Variants in AIFM1 observed in about 807,000 individuals in gnomAD.
AIFM1 encodes the protein apoptosis-inducing factor 1, mitochondrial.
A neutral mutation model predicts 51.7 loss-of-function variants in AIFM1; 3 were observed. That is an observed-to-expected ratio of 0.06 (90% CI 0.03 to 0.15). AIFM1 has a LOEUF of 0.15. Ranked by LOEUF, AIFM1 falls within the 10% of genes least tolerant of loss-of-function variation. The probability of loss-of-function intolerance (pLI) is 1.00; values close to 1 mark genes in which losing one functional copy is unlikely to be tolerated. For missense variants in AIFM1, 330 were observed against 476.8 expected (o/e 0.69, Z 2.87); for synonymous variants, 178 against 179.4 (o/e 0.99, Z 0.06).
rs724160017 is a variant in AIFM1 at position 130,139,808 on chromosome X, G to A, written c.845C>T (p.Thr282Met). Residue 282 changes from threonine (T) to methionine (M), a missense_variant, in exon 8 of 16, where the codon ACG (threonine) becomes ATG (methionine). Coordinates refer to ENST00000287295, the MANE Select transcript of AIFM1 (RefSeq NM_004208.4). ...GCAGACAATTACCTTTCTGAAAAGC[G>A]TTGTTCTACTCTTCACCTCTGCTCC... ...RAGAEVKSRT[T>M]LFRKIGDFRS... 6.6e-6 allele frequency: 8 copies of A among 1,208,251 alleles called. No individual in the cohort carries two copies. The highest frequency in any genetic ancestry group is 9.0e-6 in the Non-Finnish European group (8 of 893,819).
At chrX:130,139,689 T>C in intron 8 of AIFM1, 106 bp downstream of exon 8, 2 of 718,282 alleles carry the variant, frequency 2.8e-6, no homozygotes, top group Non-Finnish European at 4.4e-6. Context: ...AGAAGAGCCA[T>C]AAATAGAACT....
intron 10 of AIFM1, 21 bp downstream of exon 10, chrX:130,137,057 A>C: frequency 8.3e-7 from 1 of 1,211,479 alleles, no homozygotes; most frequent in Non-Finnish European, 1.1e-6. Context: ...GAGTGGCAGC[A>C]TATAGAAACA....
chrX:130,153,027 A>G (rs970774978), intron 2 of AIFM1, among the ~76,000 whole-genome samples: 4 of 110,781 alleles, frequency 3.6e-5, no homozygotes, highest in Admixed American at 9.6e-5. Context: ...ATCATGGTAA[A>G]AATTTTTAAA....
chrX:130,130,100 G>A lies in AIFM1; in HGVS notation c.1640C>T (p.Thr547Ile), dbSNP rs756265017. The A allele has an allele frequency of 1.7e-6, 2 of 1,211,778 alleles. No individual in the cohort carries two copies. Among genetic ancestry groups the A allele is most frequent in the South Asian group, 1.8e-5 (1 of 56,976 alleles). ...GACGGGAGCCTGTGGAACTGCCGGGGTGCTGGGAGGAATAGTAATTTCTGA... is the reference window on the plus strand; with the variant it reads ...GACGGGAGCCTGTGGAACTGCCGGGATGCTGGGAGGAATAGTAATTTCTGA... ...EASEITIPPS[T>I]PAVPQAPVQG... Residue 547 changes from threonine (T) to isoleucine (I), a missense_variant, in exon 15 of 16, where the codon ACC (threonine) becomes ATC (isoleucine). By Grantham distance (89) the Thr-to-Ile change is moderately conservative (BLOSUM62 -1). This residue lies in a region of AIFM1 where 56 missense variants were observed against 48.8 expected (regional missense o/e 1.15). Coordinates refer to ENST00000287295, the MANE Select transcript of AIFM1 (RefSeq NM_004208.4).
chrX:130,144,187 C>T (rs2030675731), intron 6 of AIFM1, among the ~76,000 whole-genome samples: 1 of 111,152 alleles, frequency 9.0e-6, no homozygotes, highest in Admixed American at 9.6e-5. Context: ...TCTTCATCAT[C>T]ATCATACCAC....
chrX:130,164,035 G>A (rs1464529050), intron 1 of AIFM1, among the ~76,000 whole-genome samples: 1 of 108,468 alleles, frequency 9.2e-6, no homozygotes, highest in Admixed American at 9.9e-5. Flanking sequence ...GGGCGTGGTG[G>A]CGGGTGCCTG....
intron 12 of AIFM1, among the ~76,000 whole-genome samples, chrX:130,133,753 AAGTAGCTGG>A (rs2030204385): frequency 9.2e-6 from 1 of 109,139 alleles, no homozygotes; most frequent in Non-Finnish European, 1.9e-5. Flanking sequence ...TCAGCCTCCC[AAGTAGCTGG>A]GACTACAGGA....
intron 1 of AIFM1, among the ~76,000 whole-genome samples, chrX:130,163,560 C>T (rs777867583): frequency 4.5e-5 from 5 of 111,587 alleles, no homozygotes; most frequent in East Asian, 5.6e-4. Context: ...CTTTGGTGCA[C>T]GGCCAAAGGA....
intron 3 of AIFM1, among the ~76,000 whole-genome samples, chrX:130,148,321 AG>A (rs2030827714): frequency 9.0e-6 from 1 of 111,291 alleles, no homozygotes; most frequent in African/African-American, 3.3e-5. Flanking sequence ...TTCAAGAATA[AG>A]GGGGTGCTTT....
chrX:130,137,519 C>A, intron 9 of AIFM1: 1 of 1,166,375 alleles, frequency 8.6e-7, no homozygotes, highest in Non-Finnish European at 1.1e-6. Flanking sequence ...GCCCTGATTT[C>A]ATATATCTGA....
intron 12 of AIFM1, among the ~76,000 whole-genome samples, chrX:130,135,566 G>A (rs1302239127): frequency 9.1e-6 from 1 of 109,769 alleles, no homozygotes; most frequent in Non-Finnish European, 1.9e-5. Flanking sequence ...ATTACCTCAT[G>A]GTTCCTACAT....
chrX:130,134,021 T>A (rs1376261339), intron 12 of AIFM1, among the ~76,000 whole-genome samples: 1 of 110,327 alleles, frequency 9.1e-6, no homozygotes. Context: ...GGTGGGTGGA[T>A]CACAAGGAGT....
intron 15 of AIFM1, 115 bp from the exon 16 acceptor site, chrX:130,129,743 G>A: frequency 1.2e-6 from 1 of 810,349 alleles, no homozygotes; most frequent in Non-Finnish European, 1.9e-6. Flanking sequence ...GGAGTTGTGG[G>A]AACAGTTCTC....
Position 130,149,490 on chromosome X carries a change from G to T in AIFM1, c.328C>A (p.Gln110Lys), listed in dbSNP as rs1189401103. The T allele has an allele frequency of 7.4e-6, 9 of 1,210,119 alleles. No homozygotes were observed. Among genetic ancestry groups the T allele is most frequent in the Admixed American group, 2.2e-5 (1 of 45,995 alleles). ...SGLGLTPEQK[Q>K]KKAALSASEG... ...TCACCAGATAACGCGGCCTTTTTCT[G>T]TTTCTGTTCTGGTGTCAGCCCTAAC... Residue 110 changes from glutamine to lysine, a missense_variant, in exon 3 of 16, where the codon CAG becomes AAG. Gln to Lys is a moderately conservative substitution (Grantham distance 53, BLOSUM62 1). This residue lies in a region of AIFM1 where 110 missense variants were observed against 103.1 expected (regional missense o/e 1.07). Transcript: ENST00000287295.
intron 6 of AIFM1, among the ~76,000 whole-genome samples, chrX:130,142,224 G>A (rs1201235943): frequency 6.3e-5 from 7 of 111,658 alleles, no homozygotes; most frequent in African/African-American, 2.3e-4. Flanking sequence ...GGGAACATAT[G>A]ACATGTGCAA....
intron 1 of AIFM1, among the ~76,000 whole-genome samples, chrX:130,157,271 T>A (rs184645276): frequency 8.9e-6 from 1 of 112,525 alleles, no homozygotes; most frequent in East Asian, 2.8e-4. Context: ...TATTTTGACG[T>A]AAAACTATGC....
chrX:130,157,511 G>T (rs765137962), intron 1 of AIFM1, among the ~76,000 whole-genome samples: 8 of 112,200 alleles, frequency 7.1e-5, no homozygotes, highest in Non-Finnish European at 3.8e-5. Context: ...GCCATTTGGT[G>T]TCTGCTGCAA....
intron 7 of AIFM1, among the ~76,000 whole-genome samples, chrX:130,140,183 T>G (rs1348415480): frequency 8.9e-6 from 1 of 112,628 alleles, no homozygotes; most frequent in African/African-American, 3.2e-5. Context: ...CATAGCTACA[T>G]GGGTTTGATA....
intron 1 of AIFM1, among the ~76,000 whole-genome samples, chrX:130,161,898 C>A (rs768738055): frequency 9.8e-5 from 11 of 112,149 alleles, no homozygotes. Flanking sequence ...TGAGCCACCA[C>A]GCCTAGCTAT....
Sources: gnomAD v4.1 joint callset for allele counts (sites outside exome capture counted in the v4.1 genomes callset) on GRCh38, gnomAD v4.1.1 for gene constraint, gnomAD v4.1.1 regional missense constraint, MANE v1.5 for transcripts, NCBI Gene and HGNC (gene_info 2026-07-23, HGNC 2026-07-21) for gene names.